DSCAM: variants seen among roughly 807,000 people sequenced by gnomAD.
DSCAM encodes the protein DS cell adhesion molecule, also known as cell adhesion molecule DSCAM.
A neutral mutation model predicts 217.7 loss-of-function variants in DSCAM; 47 were observed. That is an observed-to-expected ratio of 0.22 (90% CI 0.17 to 0.28). The LOEUF is 0.28. DSCAM is among the 10% of genes least tolerant of loss of function. The pLI is 1.00. For missense variants in DSCAM, 2,080 were observed against 2,618.3 expected (o/e 0.79, Z 4.49); for synonymous variants, 1,056 against 1,015.3 (o/e 1.04, Z -0.76).
chr21:40,625,629 C>G (rs115470547), intron 3 of DSCAM, among the ~76,000 whole-genome samples: 1 of 152,154 alleles, frequency 6.6e-6, no homozygotes, highest in Non-Finnish European at 1.5e-5. Flanking sequence ...AGCTGGAAAG[C>G]CCCCACCCTG....
intron 1 of DSCAM, among the ~76,000 whole-genome samples, chr21:40,745,390 A>G (rs1009342569): frequency 2.6e-5 from 4 of 152,136 alleles, no homozygotes; most frequent in Non-Finnish European, 5.9e-5. Context: ...TAAAGAAGAA[A>G]TACTCAAAGC....
chr21:40,619,895 G>A lies in DSCAM; in HGVS notation c.508+72915C>T, dbSNP rs565289369. On this transcript the variant is annotated intron_variant, in intron 3 of 32. Coordinates refer to ENST00000400454, the MANE Select transcript of DSCAM (RefSeq NM_001389.5). ...TAATTAAGGTAATATCATTTAAACC[G>A]TATGAGATAACACTATGAAATCTAG... is the stretch of plus-strand genomic sequence containing the variant. 2.4e-4 allele frequency among the ~76,000 whole-genome samples: 36 copies of A among 147,996 alleles called. 1 individual carries two copies. In the East Asian group the frequency reaches 2.7e-3, roughly 11 times the overall value.
At chr21:40,206,972 A>G (rs2091133410) in intron 11 of DSCAM, among the ~76,000 whole-genome samples, 1 of 152,256 alleles carries the variant, frequency 6.6e-6, no homozygotes, top group African/African-American at 2.4e-5. Flanking sequence ...TCAAGAAAAG[A>G]AAGACATTGC....
intron 3 of DSCAM, among the ~76,000 whole-genome samples, chr21:40,538,618 C>T (rs2076518544): frequency 6.6e-6 from 1 of 152,154 alleles, no homozygotes; most frequent in Non-Finnish European, 1.5e-5. Flanking sequence ...AATTCTGGAG[C>T]AATGGTATTA....
intron 3 of DSCAM, among the ~76,000 whole-genome samples, chr21:40,672,260 G>C (rs1448000014): frequency 6.6e-6 from 1 of 152,056 alleles, no homozygotes; most frequent in Non-Finnish European, 1.5e-5. Context: ...CGTAGAAGGT[G>C]CTCTTGGTGG....
chr21:40,028,392 A>C (rs368657802), intron 32 of DSCAM, among the ~76,000 whole-genome samples: 1 of 146,816 alleles, frequency 6.8e-6, no homozygotes, highest in South Asian at 2.2e-4. Flanking sequence ...TCGAGCTTCC[A>C]GGCTGCTTTG....
At chr21:40,268,749 G>A (rs2123355055) in intron 11 of DSCAM, among the ~76,000 whole-genome samples, 1 of 152,126 alleles carries the variant, frequency 6.6e-6, no homozygotes, top group South Asian at 2.1e-4. Context: ...AGGAGTTTGA[G>A]ACCAGCTTGG....
intron 16 of DSCAM, among the ~76,000 whole-genome samples, chr21:40,146,272 A>C (rs1449541802): frequency 1.7e-5 from 1 of 60,102 alleles, no homozygotes; most frequent in African/African-American, 4.3e-5. Context: ...GGAGGGGGGG[A>C]GGTGGCGGGG....
intron 3 of DSCAM, among the ~76,000 whole-genome samples, chr21:40,603,903 A>C (rs1229029369): frequency 7.0e-6 from 1 of 142,382 alleles, no homozygotes; most frequent in African/African-American, 2.6e-5. Flanking sequence ...TGACATGCCT[A>C]GGTGTAGACT....
At chr21:40,088,718 G>A (rs1315893922) in intron 21 of DSCAM, among the ~76,000 whole-genome samples, 1 of 152,190 alleles carries the variant, frequency 6.6e-6, no homozygotes, top group Non-Finnish European at 1.5e-5. Context: ...GTAGCTTTTG[G>A]CATTTTCTTT....
intron 5 of DSCAM, 33 bp from the exon 6 acceptor site, chr21:40,347,978 A>C (rs868150131): frequency 6.3e-7 from 1 of 1,592,286 alleles, no homozygotes; most frequent in African/African-American, 1.4e-5. Context: ...GAGAAAAAAG[A>C]TAAAAACATC....
chr21:40,422,079 T>G (rs1183255625), intron 3 of DSCAM, among the ~76,000 whole-genome samples: 1 of 152,254 alleles, frequency 6.6e-6, no homozygotes, highest in Non-Finnish European at 1.5e-5. Flanking sequence ...GCATATCCAC[T>G]GATGCATGTC....
chr21:40,135,932 G>A (rs1181605138), intron 18 of DSCAM, among the ~76,000 whole-genome samples: 3 of 152,250 alleles, frequency 2.0e-5, no homozygotes, highest in South Asian at 4.1e-4. Context: ...AAGAAGAGGG[G>A]TAAAGGGGCT....
chr21:40,835,581 A>T (rs561676463), intron 1 of DSCAM, among the ~76,000 whole-genome samples: 12 of 152,348 alleles, frequency 7.9e-5, no homozygotes, highest in African/African-American at 2.6e-4. Context: ...CGGCCACTCA[A>T]AAAGGTAATT....
chr21:40,069,599 A>G (rs1207830690), intron 27 of DSCAM, among the ~76,000 whole-genome samples: 2 of 152,236 alleles, frequency 1.3e-5, no homozygotes, highest in Non-Finnish European at 2.9e-5. Context: ...AAAATGGAAG[A>G]CGCTTAGGTT....
intron 3 of DSCAM, among the ~76,000 whole-genome samples, chr21:40,571,857 T>C (rs903543121): frequency 2.0e-5 from 3 of 152,228 alleles, no homozygotes; most frequent in African/African-American, 7.2e-5. Context: ...CCCAAAGTGC[T>C]GGGTTTACAG....
intron 3 of DSCAM, among the ~76,000 whole-genome samples, chr21:40,489,797 A>AT (rs2076061391): frequency 6.7e-6 from 1 of 150,124 alleles, no homozygotes; most frequent in Non-Finnish European, 1.5e-5. Context: ...AAAAAAAAAA[A>AT]AAAATAAGTA....
chr21:40,490,541 T>C (rs1323081438), intron 3 of DSCAM, among the ~76,000 whole-genome samples: 1 of 152,102 alleles, frequency 6.6e-6, no homozygotes, highest in Non-Finnish European at 1.5e-5. Flanking sequence ...GAGGTTAGGG[T>C]TGGGAAGTCT....
At chr21:40,204,776 C>T (rs891137793) in intron 11 of DSCAM, among the ~76,000 whole-genome samples, 5 of 152,188 alleles carry the variant, frequency 3.3e-5, no homozygotes, top group East Asian at 1.9e-4. Flanking sequence ...AGATGGAGGT[C>T]GTATCCTAGC....
Sources: allele counts gnomAD v4.1 joint callset (sites outside exome capture counted in the v4.1 genomes callset), GRCh38; gene constraint gnomAD v4.1.1; transcripts MANE v1.5; gene names NCBI Gene and HGNC (gene_info 2026-07-23, HGNC 2026-07-21).